Variants in ADGRF3 observed in about 807,000 individuals in gnomAD.
ADGRF3 encodes G protein-coupled receptor 113.
In ADGRF3, 85 loss-of-function variants were observed where a neutral mutation model predicts 93.2. That is an observed-to-expected ratio of 0.91 (90% confidence interval 0.77 to 1.09). The LOEUF is 1.09. Ranked by LOEUF, ADGRF3 falls within the 50% of genes least tolerant of loss-of-function variation. The pLI is 0.00. For synonymous variants in ADGRF3, 534 were observed against 532.5 expected, an observed-to-expected ratio of 1.00 and a Z score of -0.04; for missense variants, 1,125 against 1,246.2, an observed-to-expected ratio of 0.90 and a Z score of 1.46.
At chr2:26,319,812 C>T (rs1278395090) in intron 1 of ADGRF3, among the ~76,000 whole-genome samples, 3 of 152,000 alleles carry the variant, frequency 2.0e-5, no homozygotes, top group Non-Finnish European at 4.4e-5. Flanking sequence ...TCACAATAGC[C>T]TCAAACTCTT....
intron 8 of ADGRF3, 62 bp from the exon 9 acceptor site, chr2:26,313,184 T>C: frequency 6.3e-7 from 1 of 1,585,586 alleles, no homozygotes; most frequent in Non-Finnish European, 8.6e-7. Context: ...GAGAAGAGCA[T>C]CCCAGACCCA....
intron 7 of ADGRF3, 79 bp from the exon 8 acceptor site, chr2:26,313,652 C>T: frequency 1.9e-6 from 3 of 1,561,144 alleles, no homozygotes; most frequent in Non-Finnish European, 2.6e-6. Context: ...CTATGCGGGC[C>T]CCGAAGCCTG....
At chr2:26,318,891 T>G (rs958147386) in intron 1 of ADGRF3, 1 of 1,549,778 alleles carries the variant, frequency 6.5e-7, no homozygotes, top group Non-Finnish European at 8.7e-7. Flanking sequence ...CATTCCATGC[T>G]TTGTCTCTCC....
chr2:26,323,582 C>T (rs567440095), intron 1 of ADGRF3, among the ~76,000 whole-genome samples: 14 of 151,752 alleles, frequency 9.2e-5, no homozygotes, highest in African/African-American at 1.7e-4. Flanking sequence ...GGATTACAGG[C>T]GTGAGCCACA....
intron 1 of ADGRF3, among the ~76,000 whole-genome samples, chr2:26,329,625 A>G (rs901101679): frequency 8.5e-5 from 13 of 152,252 alleles, no homozygotes; most frequent in African/African-American, 2.9e-4. Flanking sequence ...ATTACATTAC[A>G]TAATACATTT....
rs757948920 is a variant in ADGRF3 at position 26,309,536 on chromosome 2, C to T, written c.2983G>A (p.Asp995Asn). The T allele has an allele frequency of 1.3e-5, 21 of 1,612,200 alleles. No homozygotes were observed. Among genetic ancestry groups the T allele is most frequent in the Admixed American group, 5.0e-5 (3 of 59,784 alleles). Residue 995 changes from aspartate (D) to asparagine (N), a missense_variant, in exon 13 of 14, where the codon GAC becomes AAC. Transcript: ENST00000651242. ...AAGCCTAGTTCTCACCTGGCAGTGTCGCTTCCTCCTTTGCTGTGTTCCAAG... is the reference window on the plus strand; with the variant it reads ...AAGCCTAGTTCTCACCTGGCAGTGTTGCTTCCTCCTTTGCTGTGTTCCAAG... ...CILEHSKGGS[D>N]TARKTDASE
intron 2 of ADGRF3, 128 bp from the exon 3 acceptor site, chr2:26,317,183 G>T: frequency 1.0e-6 from 1 of 975,564 alleles, no homozygotes; most frequent in Non-Finnish European, 1.5e-6. Flanking sequence ...AGCCTGTCCA[G>T]GTGCATATAG....
rs986561597 is a variant in ADGRF3, at chr2:26,346,218, A to G, written c.17T>C (p.Leu6Pro). ...GGGAGTCGCTGCCGAGTGGGCGCTC[A>G]GTTTTCGGGTCGTCATGGCTGGCTA... Reference protein sequence around the residue: MTTRKLSAHSAATPGY... With the variant: MTTRKPSAHSAATPGY... Residue 6 changes from leucine (L) to proline (P), a missense_variant, in exon 1 of 14, where the codon CTG becomes CCG. By Grantham distance (98) the Leu-to-Pro change is moderately conservative (BLOSUM62 -3). Coordinates refer to ENST00000651242, the MANE Select transcript of ADGRF3 (RefSeq NM_001321971.2). 6.2e-7 allele frequency: 1 copy of G among 1,613,614 alleles called. No individual in the cohort carries two copies. Among genetic ancestry groups the G allele is most frequent in the African/African-American group, 1.3e-5 (1 of 75,020 alleles).
At chr2:26,317,079 G>A in intron 2 of ADGRF3, 24 bp from the exon 3 acceptor site, 3 of 1,592,006 alleles carry the variant, frequency 1.9e-6, no homozygotes, top group Non-Finnish European at 2.6e-6. Flanking sequence ...GGGGACAGCT[G>A]GAGAGGACAG....
At chr2:26,320,364 C>T (rs796682149) in intron 1 of ADGRF3, among the ~76,000 whole-genome samples, 56 of 152,214 alleles carry the variant, frequency 3.7e-4, no homozygotes, top group African/African-American at 1.0e-3. Context: ...GGCGTGGTGG[C>T]GCATCCCTGT....
chr2:26,317,000 G>A lies in ADGRF3; in HGVS notation c.237C>T (p.Pro79=), dbSNP rs759158228. Residue 79 remains proline, a synonymous_variant, in exon 3 of 14, where the codon CCC becomes CCT. Coordinates refer to ENST00000651242, the MANE Select transcript of ADGRF3 (RefSeq NM_001321971.2). ...GAGTCAGTGTCCTGGAGAGTTCAGG[G>A]GGCCAGGTCTTATCTGGAAAGTCCA... The part of the protein sequence containing the change: ...VHLDFPDKTW[P]PELSRTLTLP... 2 of 1,613,082 alleles carry A rather than the reference G, an allele frequency of 1.2e-6. No individual in the cohort carries two copies. Among genetic ancestry groups the A allele is most frequent in the South Asian group, 2.2e-5 (2 of 90,958 alleles).
Position 26,311,139 on chromosome 2 carries a change from G to C in ADGRF3, c.2385C>G (p.Ala795=), listed in dbSNP as rs751252653. 2.3e-5 allele frequency: 36 copies of C among 1,595,202 alleles called. No individual in the cohort carries two copies. The highest frequency in any genetic ancestry group is 3.1e-5 in the Non-Finnish European group (36 of 1,171,308). The part of the protein sequence containing the change: ...LATFFWMLAQ[A]LVLAHQLLFV... Reference sequence around the variant, plus strand: ...AGAGCAGCTGGTGGGCCAACACCAGGGCCTGCGCCAGCATCCAGAAAAAGG... The same window carrying C: ...AGAGCAGCTGGTGGGCCAACACCAGCGCCTGCGCCAGCATCCAGAAAAAGG... The change falls in exon 10 of 14, where the codon GCC becomes GCG. Residue 795 remains alanine (A), a synonymous_variant. Coordinates refer to ENST00000651242, the MANE Select transcript of ADGRF3 (RefSeq NM_001321971.2).
At chr2:26,317,590 C>T (rs1206673575) in intron 1 of ADGRF3, 28 bp from the exon 2 acceptor site, 2 of 1,555,510 alleles carry the variant, frequency 1.3e-6, no homozygotes, top group South Asian at 2.4e-5. Flanking sequence ...GGGGAGACCT[C>T]AAGTCCCTTC....
At chr2:26,332,735 G>T (rs894910218) in intron 1 of ADGRF3, among the ~76,000 whole-genome samples, 1 of 151,954 alleles carries the variant, frequency 6.6e-6, no homozygotes, top group Non-Finnish European at 1.5e-5. Flanking sequence ...GTGACAGTCT[G>T]TCTCAAAAAA....
intron 1 of ADGRF3, among the ~76,000 whole-genome samples, chr2:26,323,661 A>C: frequency 7.1e-6 from 1 of 140,884 alleles, no homozygotes; most frequent in African/African-American, 2.6e-5. Flanking sequence ...ACAGAGTCTC[A>C]CTCTGTTGCC....
At position 26,337,539 on chromosome 2, in the gene ADGRF3, C is replaced by G. The variant is rs556757945; in HGVS notation, c.114+8582G>C. Reference sequence around the variant, plus strand: ...AGAATTATGAGCAAATAAAATGGTTCTTATTTTAGGCTACTGAATTTTGAG... The same window carrying G: ...AGAATTATGAGCAAATAAAATGGTTGTTATTTTAGGCTACTGAATTTTGAG... On this transcript the variant is annotated intron_variant, in intron 1 of 13. Transcript: ENST00000651242. Among the ~76,000 whole-genome samples the G allele has an allele frequency of 1.8e-4, 27 of 152,292 alleles. 1 individual carries two copies. The South Asian group carries it at 5.2e-3, about 29-fold the overall frequency.
rs1674577900 is a variant in ADGRF3, at chr2:26,315,588, C to T, written c.652G>A (p.Val218Met). 4 of 1,551,610 alleles carry T rather than the reference C, an allele frequency of 2.6e-6. No individual in the cohort carries two copies. The highest frequency in any genetic ancestry group is 3.5e-6 in the Non-Finnish European group (4 of 1,147,002). The change falls in exon 5 of 14, where the codon GTG becomes ATG. Residue 218 changes from valine to methionine, a missense_variant. Val to Met is a conservative substitution (Grantham distance 21). Coordinates refer to ENST00000651242, the MANE Select transcript of ADGRF3 (RefSeq NM_001321971.2). ...SPILLQPGTQVSVTSSHGQAA... is the reference protein window; with the variant it reads ...SPILLQPGTQMSVTSSHGQAA... Reference sequence around the variant, plus strand: ...TGGCCGTGGCTGGAAGTCACAGACACCTGTGTCCCTGGCTGCAGGAGGATG... The same window carrying T: ...TGGCCGTGGCTGGAAGTCACAGACATCTGTGTCCCTGGCTGCAGGAGGATG...
chr2:26,344,490 A>G (rs535553236), intron 1 of ADGRF3, among the ~76,000 whole-genome samples: 2 of 152,314 alleles, frequency 1.3e-5, no homozygotes, highest in East Asian at 1.9e-4. Flanking sequence ...ACTTCACAGC[A>G]TATCAAAGAG....
intron 1 of ADGRF3, among the ~76,000 whole-genome samples, chr2:26,336,722 TAAAAAAAAA>T (rs57691864): frequency 5.4e-4 from 12 of 22,048 alleles, no homozygotes; most frequent in African/African-American, 1.2e-3. Context: ...TGAGACTCCA[TAAAAAAAAA>T]AAAAAAAAAA....
Sources: gnomAD v4.1 joint callset for allele counts (sites outside exome capture counted in the v4.1 genomes callset) on GRCh38, gnomAD v4.1.1 for gene constraint, MANE v1.5 for transcripts, NCBI Gene and HGNC (gene_info 2026-07-23, HGNC 2026-07-21) for gene names.